PKN2: variants seen among roughly 807,000 people sequenced by gnomAD.
PKN2 encodes serine/threonine-protein kinase N2.
In PKN2, 38 loss-of-function variants were observed where a neutral mutation model predicts 119.1. The ratio of observed to expected loss-of-function variants is 0.32; its 90% CI spans 0.25 to 0.42. The LOEUF (loss-of-function observed/expected upper bound fraction) is 0.42, where lower values mean the gene tolerates loss of function less well. PKN2 is among the 10% of genes least tolerant of loss of function. The pLI is 1.00. For synonymous variants in PKN2, 390 were observed against 384.9 expected, an observed-to-expected ratio of 1.01 and a Z score of -0.15; for missense variants, 850 against 1,165.1, an observed-to-expected ratio of 0.73 and a Z score of 3.94.
At chr1:88,830,452 C>T (rs1439977006) in intron 19 of PKN2, among the ~76,000 whole-genome samples, 1 of 152,092 alleles carries the variant, frequency 6.6e-6, no homozygotes, top group Non-Finnish European at 1.5e-5. Flanking sequence ...CTCCCCACCC[C>T]CTTCCTTTAT....
chr1:88,813,882 C>T (rs1230522394), intron 16 of PKN2, 149 bp downstream of exon 16: 1 of 596,672 alleles, frequency 1.7e-6, no homozygotes, highest in Admixed American at 3.6e-5. Flanking sequence ...ACTTTTTTGC[C>T]ATATACTTTT....
chr1:88,804,260 A>C, intron 8 of PKN2, 131 bp from the exon 9 acceptor site: 1 of 666,172 alleles, frequency 1.5e-6, no homozygotes, highest in Non-Finnish European at 2.5e-6. Flanking sequence ...CCTCTTTAAA[A>C]CAGTGTGACC....
intron 3 of PKN2, among the ~76,000 whole-genome samples, chr1:88,768,256 CAG>C (rs1669745309): frequency 6.6e-6 from 1 of 152,182 alleles, no homozygotes; most frequent in Non-Finnish European, 1.5e-5. Flanking sequence ...CATAAAACAA[CAG>C]AAATTTATTA....
intron 1 of PKN2, among the ~76,000 whole-genome samples, chr1:88,730,156 C>A (rs1308358932): frequency 6.6e-6 from 1 of 151,246 alleles, no homozygotes; most frequent in African/African-American, 2.4e-5. Flanking sequence ...CAGAACGAGA[C>A]TCCGTCTCAA....
Position 88,684,501 on chromosome 1 carries a change from C to G in PKN2, c.-80C>G. On this transcript the variant is annotated 5_prime_UTR_variant, in exon 1 of 22. Transcript: ENST00000370521. ...TTTTTCTTTCTCTCCCCTCTCCTCA[C>G]CCCCACCCCGAGCCCCGTCCCGCCT... 6.1e-6 allele frequency: 7 copies of G among 1,152,094 alleles called. No homozygotes were observed. Among genetic ancestry groups the G allele is most frequent in the Non-Finnish European group, 8.7e-6 (7 of 805,508 alleles). 71.4% of individuals were successfully genotyped at this position (1,152,094 alleles called of 1,614,324 possible). A position where few individuals can be genotyped will look rare whatever the true frequency, so the allele number is the denominator to read the frequency against.
At chr1:88,760,901 T>A (rs1669415802) in intron 3 of PKN2, among the ~76,000 whole-genome samples, 1 of 152,186 alleles carries the variant, frequency 6.6e-6, no homozygotes, top group Admixed American at 6.5e-5. Context: ...ATCTGCAACT[T>A]TTCCGTAAAT....
chr1:88,689,989 A>G (rs906518090), intron 1 of PKN2, among the ~76,000 whole-genome samples: 1 of 152,264 alleles, frequency 6.6e-6, no homozygotes, highest in Non-Finnish European at 1.5e-5. Context: ...TAAACATACT[A>G]AATAACTTTC....
At chr1:88,689,381 G>C (rs1210936660) in intron 1 of PKN2, among the ~76,000 whole-genome samples, 2 of 152,002 alleles carry the variant, frequency 1.3e-5, no homozygotes, top group African/African-American at 4.8e-5. Flanking sequence ...ATGAAGCTCA[G>C]AGAATTTTAA....
chr1:88,751,030 C>T (rs1309234452), intron 2 of PKN2, among the ~76,000 whole-genome samples: 1 of 152,126 alleles, frequency 6.6e-6, no homozygotes, highest in East Asian at 1.9e-4. Context: ...CTACAGAATA[C>T]AGTACAAATT....
rs1160252700 is a variant in PKN2 at position 88,835,589 on chromosome 1, T to G, written c.*2141T>G. On this transcript the variant is annotated 3_prime_UTR_variant, in exon 22 of 22. Coordinates refer to ENST00000370521, the MANE Select transcript of PKN2 (RefSeq NM_006256.4). The stretch of plus-strand genomic sequence containing the variant: ...ATATATTTTAGTCAGATTTAAAATT[T>G]TAAGCTTTATAGAGTGTAAATATAT... 1 of 152,412 alleles carries G rather than the reference T, an allele frequency of 6.6e-6. No individual in the cohort carries two copies. The highest frequency in any genetic ancestry group is 1.5e-5 in the Non-Finnish European group (1 of 67,922). The allele number at this position is 152,412 out of a possible 1,614,324, so 9.4% of individuals were successfully genotyped here.
chr1:88,801,791 G>A (rs527701251), intron 8 of PKN2, among the ~76,000 whole-genome samples: 20 of 152,302 alleles, frequency 1.3e-4, no homozygotes, highest in Non-Finnish European at 1.9e-4. Flanking sequence ...TGGAACAATC[G>A]CGAGAGCACA....
chr1:88,776,794 A>G (rs1435503792), intron 6 of PKN2, among the ~76,000 whole-genome samples: 1 of 151,018 alleles, frequency 6.6e-6, no homozygotes, highest in Non-Finnish European at 1.5e-5. Context: ...TTTTGTGATG[A>G]GAAATCCACT....
intron 2 of PKN2, among the ~76,000 whole-genome samples, chr1:88,754,647 T>C (rs1379387948): frequency 6.6e-6 from 1 of 152,232 alleles, no homozygotes. Context: ...AGACCTTTAA[T>C]GCCTAACCGT....
At chr1:88,825,485 G>T (rs902859183) in intron 18 of PKN2, among the ~76,000 whole-genome samples, 1 of 152,098 alleles carries the variant, frequency 6.6e-6, no homozygotes, top group Admixed American at 6.6e-5. Flanking sequence ...CTGGGTGTTG[G>T]TATCACAATC....
chr1:88,714,234 CT>C (rs1399199517), intron 1 of PKN2, among the ~76,000 whole-genome samples: 1 of 152,090 alleles, frequency 6.6e-6, no homozygotes, highest in Non-Finnish European at 1.5e-5. Flanking sequence ...CAGCTTTGTT[CT>C]TTTTGCTTAG....
intron 1 of PKN2, among the ~76,000 whole-genome samples, chr1:88,699,609 G>A (rs554416947): frequency 1.3e-5 from 2 of 152,102 alleles, no homozygotes; most frequent in South Asian, 2.1e-4. Context: ...CCATTGTGTG[G>A]TGTTTCCCTC....
Position 88,695,291 on chromosome 1 carries a change from T to TA in PKN2, c.48+10665dup, listed in dbSNP as rs558070613. Among the ~76,000 whole-genome samples, 26 of 152,332 alleles carry TA rather than the reference T, an allele frequency of 1.7e-4. No individual in the cohort carries two copies. The South Asian group carries it at 5.2e-3, about 30-fold the overall frequency. On this transcript the variant is annotated intron_variant, in intron 1 of 21. Transcript: ENST00000370521. Reference sequence around the variant, plus strand: ...ATGATTAATTAAAATTAATTAAAATTAATCATTTGATTAATCAAATTTGAT... The same window carrying TA: ...ATGATTAATTAAAATTAATTAAAATTAAATCATTTGATTAATCAAATTTGAT...
intron 16 of PKN2, among the ~76,000 whole-genome samples, chr1:88,814,423 G>C (rs953001460): frequency 6.6e-6 from 1 of 152,088 alleles, no homozygotes; most frequent in Non-Finnish European, 1.5e-5. Context: ...GCTAGGATTT[G>C]AACCTAGGAA....
rs369443735 is a variant in PKN2, at chr1:88,770,336, C to T, written c.505-16C>T. ...CCCTTTATTTGCTTAATTTTTCAAA[C>T]TTATTTTTTTAATAGGATCGGAAAC... On this transcript the variant is annotated splice_polypyrimidine_tract_variant and intron_variant, in intron 3 of 21. Transcript: ENST00000370521. The T allele has an allele frequency of 4.8e-5, 72 of 1,514,650 alleles. No individual in the cohort carries two copies. Among genetic ancestry groups the T allele is most frequent in the Non-Finnish European group, 5.9e-5 (64 of 1,091,504 alleles). The allele number at this position is 1,514,650 out of a possible 1,614,324, so 93.8% of individuals were successfully genotyped here. A position where few individuals can be genotyped will look rare whatever the true frequency, so the allele number is the denominator to read the frequency against.
Sources: allele counts gnomAD v4.1 joint callset (sites outside exome capture counted in the v4.1 genomes callset), GRCh38; gene constraint gnomAD v4.1.1; transcripts MANE v1.5; gene names NCBI Gene and HGNC (gene_info 2026-07-23, HGNC 2026-07-21).